NKAIN1: variants seen among roughly 807,000 people sequenced by gnomAD.
The protein encoded by NKAIN1 is sodium/potassium transporting ATPase interacting 1.
NKAIN1 carries 13 observed loss-of-function variants against 31.6 expected under a neutral mutation model. The ratio of observed to expected loss-of-function variants is 0.41; its 90% CI spans 0.27 to 0.65. The LOEUF is 0.65. Among genes scored for constraint, NKAIN1 ranks in the 30% least tolerant of loss-of-function variants. The pLI, the probability that NKAIN1 is intolerant of heterozygous loss-of-function variation, is 0.30. For synonymous variants in NKAIN1, 104 were observed against 109.0 expected, an observed-to-expected ratio of 0.95 and a Z score of 0.28; for missense variants, 193 against 262.2, an observed-to-expected ratio of 0.74 and a Z score of 1.82.
chr1:31,232,396 C>CACATATATATATATAT (rs1334094237), intron 1 of NKAIN1, among the ~76,000 whole-genome samples: 3 of 6,406 alleles, frequency 4.7e-4, no homozygotes, highest in African/African-American at 5.0e-4. Context: ...TGGCCTACTT[C>CACATATATATATATAT]ATATATATAT....
intron 2 of NKAIN1, 39 bp downstream of exon 2, chr1:31,188,011 G>T: frequency 6.5e-7 from 1 of 1,543,874 alleles, no homozygotes; most frequent in Non-Finnish European, 8.8e-7. Context: ...CAGGGGTGAG[G>T]AGAGGAGTTG....
intron 1 of NKAIN1, among the ~76,000 whole-genome samples, chr1:31,210,559 G>A (rs1645460527): frequency 6.6e-6 from 1 of 152,178 alleles, no homozygotes; most frequent in African/African-American, 2.4e-5. Flanking sequence ...AAAGTGCTGG[G>A]ATTACAGGCG....
intron 1 of NKAIN1, among the ~76,000 whole-genome samples, chr1:31,235,684 T>G (rs1645688357): frequency 6.6e-6 from 1 of 152,182 alleles, no homozygotes; most frequent in African/African-American, 2.4e-5. Context: ...GGCACCACCC[T>G]GAGTTCCTGA....
chr1:31,219,375 G>A (rs1426082337), intron 1 of NKAIN1, among the ~76,000 whole-genome samples: 3 of 152,236 alleles, frequency 2.0e-5, no homozygotes, highest in African/African-American at 7.2e-5. Context: ...TCTATGGGTG[G>A]ACATACACAC....
In NKAIN1 at chr1:31,239,366, A is replaced by G. The variant is rs1645716090; in HGVS notation, c.54+128T>C. The G allele has an allele frequency of 6.6e-6, 4 of 609,724 alleles. No homozygotes were observed. The highest frequency in any genetic ancestry group is 7.3e-6 in the Non-Finnish European group (3 of 412,348). The allele number at this position is 609,724 out of a possible 1,614,324, so 37.8% of individuals were successfully genotyped here. A position where few individuals can be genotyped will look rare whatever the true frequency, so the allele number is the denominator to read the frequency against. On this transcript the variant is annotated intron_variant, in intron 1 of 6. Coordinates refer to ENST00000373736, the MANE Select transcript of NKAIN1 (RefSeq NM_024522.3). The surrounding 1 kb of genome is among the most constrained non-coding windows in gnomAD (Gnocchi z 4.8). ...CCGCCCGACCGCTCCGAGACTCCAG[A>G]CCACCCCCCGCCCGGGCACACGCAC... is the stretch of plus-strand genomic sequence containing the variant.
intron 1 of NKAIN1, among the ~76,000 whole-genome samples, chr1:31,201,455 T>G (rs1367032674): frequency 6.6e-6 from 1 of 150,448 alleles, no homozygotes; most frequent in Non-Finnish European, 1.5e-5. Context: ...GCTTTCCGGG[T>G]TCACGCCATC....
At chr1:31,221,467 T>C (rs6674677) in intron 1 of NKAIN1, among the ~76,000 whole-genome samples, 61,951 of 152,000 alleles carry the variant, frequency 0.41, 15,734 homozygotes, top group African/African-American at 0.72. Flanking sequence ...GACGGAGTCT[T>C]GCTCTGTCGC....
At chr1:31,235,723 C>A (rs1387250975) in intron 1 of NKAIN1, among the ~76,000 whole-genome samples, 1 of 152,178 alleles carries the variant, frequency 6.6e-6, no homozygotes, top group African/African-American at 2.4e-5. Context: ...TCCCAGCGAG[C>A]CAGACCAATA....
chr1:31,238,486 A>G (rs1321451590), intron 1 of NKAIN1, among the ~76,000 whole-genome samples: 2 of 152,138 alleles, frequency 1.3e-5, no homozygotes, highest in African/African-American at 2.4e-5. Flanking sequence ...TCTCAGCTCT[A>G]GGGTAGGTAG....
rs1382069172 is a variant in NKAIN1, at chr1:31,239,660, G to A, written c.-113C>T. 13 of 448,342 alleles carry A rather than the reference G, an allele frequency of 2.9e-5. No homozygotes were observed. Among genetic ancestry groups the A allele is most frequent in the Middle Eastern group, 1.1e-3 (1 of 914 alleles). The allele number at this position is 448,342 out of a possible 1,614,324, so 27.8% of individuals were successfully genotyped here. A position where few individuals can be genotyped will look rare whatever the true frequency, so the allele number is the denominator to read the frequency against. On this transcript the variant is annotated 5_prime_UTR_variant, in exon 1 of 7. Transcript: ENST00000373736. The surrounding 1 kb of genome is among the most constrained non-coding windows in gnomAD (Gnocchi z 4.8). The stretch of plus-strand genomic sequence containing the variant: ...TCCCCGCTGGGCGCGCCGGGCGGCG[G>A]GGCCGGGCGCCTAGGGCCGGGCCCG...
chr1:31,227,215 G>A (rs998783842), intron 1 of NKAIN1, among the ~76,000 whole-genome samples: 4 of 152,172 alleles, frequency 2.6e-5, no homozygotes, highest in Non-Finnish European at 4.4e-5. Flanking sequence ...GTGCTCTGCC[G>A]CTGCCTCGTT....
intron 1 of NKAIN1, among the ~76,000 whole-genome samples, chr1:31,224,086 C>T (rs918157164): frequency 1.1e-4 from 17 of 152,248 alleles, no homozygotes; most frequent in African/African-American, 2.4e-4. Flanking sequence ...CCCTGTAAAG[C>T]GGTTTCCAGT....
At chr1:31,234,089 C>T (rs968527149) in intron 1 of NKAIN1, among the ~76,000 whole-genome samples, 4 of 152,222 alleles carry the variant, frequency 2.6e-5, no homozygotes, top group Admixed American at 6.5e-5. Flanking sequence ...TACCCTGCTC[C>T]GCCCATCTCA....
chr1:31,197,797 G>A (rs367908774), intron 1 of NKAIN1, among the ~76,000 whole-genome samples: 1 of 148,768 alleles, frequency 6.7e-6, no homozygotes, highest in Admixed American at 6.7e-5. Context: ...TCTGCCCACC[G>A]TGGCCTCCCA....
chr1:31,217,195 TAGTC>T (rs1235598164), intron 1 of NKAIN1, among the ~76,000 whole-genome samples: 1 of 152,004 alleles, frequency 6.6e-6, no homozygotes, highest in Non-Finnish European at 1.5e-5. Flanking sequence ...GACAGGGTCT[TAGTC>T]TGTTGCCCAG....
chr1:31,194,594 A>T (rs1645309612), intron 1 of NKAIN1, among the ~76,000 whole-genome samples: 1 of 149,086 alleles, frequency 6.7e-6, no homozygotes, highest in Admixed American at 6.7e-5. Context: ...TTTAGTAGAG[A>T]CGGGGTTTCT....
At chr1:31,207,070 C>G (rs1338382680) in intron 1 of NKAIN1, among the ~76,000 whole-genome samples, 1 of 152,146 alleles carries the variant, frequency 6.6e-6, no homozygotes, top group Non-Finnish European at 1.5e-5. Context: ...TAGTGCTGTG[C>G]CCACATGTGC....
At chr1:31,203,521 T>C (rs1281750424) in intron 1 of NKAIN1, among the ~76,000 whole-genome samples, 1 of 151,554 alleles carries the variant, frequency 6.6e-6, no homozygotes, top group Non-Finnish European at 1.5e-5. Context: ...CTCTAGGGAA[T>C]GGGATTATGG....
Position 31,181,415 on chromosome 1 carries a change from C to T in NKAIN1, c.*288G>A, listed in dbSNP as rs927954665. The T allele has an allele frequency of 1.9e-5, 7 of 364,634 alleles. No homozygotes were observed. Among genetic ancestry groups the T allele is most frequent in the African/African-American group, 1.3e-4 (6 of 47,508 alleles). 22.6% of individuals were successfully genotyped at this position (364,634 alleles called of 1,614,324 possible). On this transcript the variant is annotated 3_prime_UTR_variant, in exon 7 of 7. Coordinates refer to ENST00000373736, the MANE Select transcript of NKAIN1 (RefSeq NM_024522.3). ...GAGAAGAGAGGAAGGCCCCAGCTCACGCCAAGGCTGAGATTAAAAACAAAC... is the reference window on the plus strand; with the variant it reads ...GAGAAGAGAGGAAGGCCCCAGCTCATGCCAAGGCTGAGATTAAAAACAAAC...
Sources: gnomAD v4.1 joint callset for allele counts (sites outside exome capture counted in the v4.1 genomes callset) on GRCh38, gnomAD v4.1.1 for gene constraint, Gnocchi (gnomAD v3.1) non-coding constraint, MANE v1.5 for transcripts, NCBI Gene and HGNC (gene_info 2026-07-23, HGNC 2026-07-21) for gene names.